The following FGD5 variants were observed in gnomAD, a reference collection of about 807,000 sequenced individuals.
The protein encoded by FGD5 is FYVE, RhoGEF and PH domain-containing protein 5.
Under a neutral mutation model 133.4 loss-of-function variants are expected in FGD5, and 28 were observed. The ratio of observed to expected loss-of-function variants is 0.21; its 90% CI spans 0.16 to 0.29. FGD5 has a LOEUF of 0.29. Ranked by LOEUF, FGD5 falls within the 10% of genes least tolerant of loss-of-function variation. The pLI, the probability that FGD5 is intolerant of heterozygous loss-of-function variation, is 1.00. For synonymous variants in FGD5, 810 were observed against 776.5 expected (o/e 1.04, Z -0.72); for missense variants, 1,858 against 1,895.2 (o/e 0.98, Z 0.36).
chr3:14,860,541 C>T (rs972101503), intron 1 of FGD5, among the ~76,000 whole-genome samples: 9 of 152,164 alleles, frequency 5.9e-5, no homozygotes, highest in Non-Finnish European at 1.3e-4. Context: ...GCATGGGCTC[C>T]ACGACTGCCA....
At position 14,821,036 on chromosome 3, in the gene FGD5, C is replaced by G. The variant is rs754882124; in HGVS notation, c.1965C>G (p.Arg655=). The change falls in exon 1 of 20, where the codon CGC becomes CGG. Residue 655 remains arginine, a synonymous_variant. Transcript: ENST00000285046. ...AGAAGAAGAAGTCATCCTTTAAGCGCTTCCTGGCACTGACGTTTAAGAAGA... is the reference window on the plus strand; with the variant it reads ...AGAAGAAGAAGTCATCCTTTAAGCGGTTCCTGGCACTGACGTTTAAGAAGA... The part of the protein sequence containing the change: ...KYKKKKSSFK[R]FLALTFKKKT... 26 of 1,613,956 alleles carry G rather than the reference C, an allele frequency of 1.6e-5. No homozygotes were observed. Among genetic ancestry groups the G allele is most frequent in the East Asian group, 2.2e-5 (1 of 44,864 alleles).
chr3:14,917,343 G>A lies in FGD5; in HGVS notation c.3489+11G>A, dbSNP rs371208346. ...GTGGCCAACATGAAGGTAAATATCT[G>A]GTGCCAGGTACCCCCGGGTTGGGGG... On this transcript the variant is annotated intron_variant, in intron 12 of 19. Transcript: ENST00000285046. This position sits in a 1 kb window ranked among gnomAD's most constrained non-coding sequence, Gnocchi z 4.1. 2 of 1,610,494 alleles carry A rather than the reference G, an allele frequency of 1.2e-6. No homozygotes were observed. The highest frequency in any genetic ancestry group is 1.7e-6 in the Non-Finnish European group (2 of 1,178,324).
At chr3:14,817,201 T>C (rs2036383224), upstream of FGD5, among the ~76,000 whole-genome samples, 3 of 152,228 alleles carry the variant, frequency 2.0e-5, no homozygotes, top group Non-Finnish European at 4.4e-5. Flanking sequence ...AAAATTACTT[T>C]TACTTTTTTT....
chr3:14,879,199 T>G (rs1156889947), intron 2 of FGD5, among the ~76,000 whole-genome samples: 1 of 152,226 alleles, frequency 6.6e-6, no homozygotes, highest in African/African-American at 2.4e-5. Flanking sequence ...TGAAAGTGAT[T>G]TGTATAGAGT....
At chr3:14,837,465 G>A (rs552531282) in intron 1 of FGD5, among the ~76,000 whole-genome samples, 8 of 152,280 alleles carry the variant, frequency 5.3e-5, no homozygotes, top group Admixed American at 2.0e-4. Context: ...CGGTTGCGGG[G>A]GCTGGGGGGG....
intron 2 of FGD5, among the ~76,000 whole-genome samples, chr3:14,879,667 C>A (rs930512981): frequency 6.6e-6 from 1 of 152,182 alleles, no homozygotes; most frequent in East Asian, 1.9e-4. Context: ...TGGTCCCTGC[C>A]CTCCTGGAGA....
intron 2 of FGD5, among the ~76,000 whole-genome samples, chr3:14,873,679 T>G (rs983536460): frequency 4.6e-5 from 7 of 152,076 alleles, no homozygotes; most frequent in Non-Finnish European, 8.8e-5. Context: ...TAGAGACCAC[T>G]GTTTCTTTTC....
intron 11 of FGD5, among the ~76,000 whole-genome samples, chr3:14,914,879 C>T (rs1372172105): frequency 1.3e-5 from 2 of 152,190 alleles, no homozygotes; most frequent in Non-Finnish European, 2.9e-5. Context: ...GGGTTTTGGT[C>T]CAGCGCCTGG....
chr3:14,889,083 A>G (rs1226167770), intron 4 of FGD5, among the ~76,000 whole-genome samples: 2 of 152,322 alleles, frequency 1.3e-5, no homozygotes, highest in South Asian at 4.2e-4. Context: ...CTGCAGGGAC[A>G]TGGTCACCAG....
rs1428580810 is a variant in FGD5 at position 14,932,641 on chromosome 3, G to A, written c.4262G>A (p.Gly1421Asp). Residue 1421 changes from glycine to aspartate, a missense_variant, in exon 19 of 20, where the codon GGC becomes GAC. Physicochemically the swap from Gly to Asp is moderately conservative, Grantham distance 94. Coordinates refer to ENST00000285046, the MANE Select transcript of FGD5 (RefSeq NM_152536.4). The part of the protein sequence containing the change: ...GFTIAPEKEE[G>D]SSEVGPIFHL... ...ACCATTGCTCCAGAAAAGGAAGAGGGCAGCAGTGAAGTAGGACCTATTTTT... is the reference window on the plus strand; with the variant it reads ...ACCATTGCTCCAGAAAAGGAAGAGGACAGCAGTGAAGTAGGACCTATTTTT... 1.2e-6 allele frequency: 2 copies of A among 1,613,928 alleles called. No homozygotes were observed. The highest frequency in any genetic ancestry group is 1.3e-5 in the African/African-American group (1 of 74,948).
chr3:14,866,637 G>A (rs2037498783), intron 2 of FGD5, among the ~76,000 whole-genome samples: 1 of 152,202 alleles, frequency 6.6e-6, no homozygotes, highest in South Asian at 2.1e-4. Flanking sequence ...GAATAGTTAC[G>A]AAGGTAAATA....
intron 2 of FGD5, among the ~76,000 whole-genome samples, chr3:14,871,208 C>T (rs1260253227): frequency 6.6e-6 from 1 of 152,178 alleles, no homozygotes; most frequent in African/African-American, 2.4e-5. Flanking sequence ...TTTTCTTGCC[C>T]ATCGTTTGCC....
chr3:14,906,242 C>T (rs939771158), intron 9 of FGD5, among the ~76,000 whole-genome samples: 1 of 152,226 alleles, frequency 6.6e-6, no homozygotes, highest in Non-Finnish European at 1.5e-5. Context: ...CACATGCCTA[C>T]ATCTGAAGCA....
intron 1 of FGD5, among the ~76,000 whole-genome samples, chr3:14,844,212 AAAAAAATAT>A (rs1399688802): frequency 3.1e-5 from 1 of 32,128 alleles, no homozygotes; most frequent in East Asian, 8.6e-4. Context: ...ATTAAAAAAA[AAAAAAATAT>A]ATATATATAT....
At chr3:14,837,102 T>C (rs554557996) in intron 1 of FGD5, among the ~76,000 whole-genome samples, 1 of 152,126 alleles carries the variant, frequency 6.6e-6, no homozygotes, top group South Asian at 2.1e-4. Context: ...CTTGAGGGTG[T>C]GAAGTGCAGA....
At chr3:14,897,463 G>T (rs772017511) in intron 4 of FGD5, 46 bp from the exon 5 acceptor site, 1 of 1,572,112 alleles carries the variant, frequency 6.4e-7, no homozygotes. Flanking sequence ...GAGGACTTGT[G>T]CTCAGTCCTA....
intron 1 of FGD5, among the ~76,000 whole-genome samples, chr3:14,851,637 G>A (rs560384449): frequency 1.3e-5 from 2 of 152,204 alleles, no homozygotes; most frequent in African/African-American, 4.8e-5. Flanking sequence ...TTGTGGCTCC[G>A]GCTTACATAT....
rs4685235 is a variant in FGD5, at chr3:14,924,000, A to G, written c.3938-8A>G. On this transcript the variant is annotated splice_region_variant and splice_polypyrimidine_tract_variant and intron_variant, in intron 16 of 19. Coordinates refer to ENST00000285046, the MANE Select transcript of FGD5 (RefSeq NM_152536.4). The stretch of plus-strand genomic sequence containing the variant: ...ACCTCCCTTCCATGTGGCTTCTTTC[A>G]GTTACAGAGCGGCCTGTGAGCATGA... The G allele has an allele frequency of 0.93, 1,494,012 of 1,613,824 alleles. 692,060 individuals carry two copies. The highest frequency in any genetic ancestry group is 1 in the East Asian group (44,851 of 44,860).
intron 1 of FGD5, among the ~76,000 whole-genome samples, chr3:14,834,739 T>C (rs527543397): frequency 6.6e-6 from 1 of 152,304 alleles, no homozygotes; most frequent in African/African-American, 2.4e-5. Context: ...TTTTTTGTTC[T>C]GTAGAGGGAG....
Sources: gnomAD v4.1 joint callset for allele counts (sites outside exome capture counted in the v4.1 genomes callset) on GRCh38, gnomAD v4.1.1 for gene constraint, Gnocchi (gnomAD v3.1) non-coding constraint, MANE v1.5 for transcripts, NCBI Gene and HGNC (gene_info 2026-07-23, HGNC 2026-07-21) for gene names.